The following KCNH8 variants were observed in gnomAD, a reference collection of about 807,000 sequenced individuals.
The protein encoded by KCNH8 is voltage-gated delayed rectifier potassium channel KCNH8.
In KCNH8, 70 loss-of-function variants were observed where a neutral mutation model predicts 103.6. That is an observed-to-expected ratio of 0.68 (90% CI 0.56 to 0.82). The LOEUF (loss-of-function observed/expected upper bound fraction) is 0.82, where lower values mean the gene tolerates loss of function less well. Among genes scored for constraint, KCNH8 ranks in the 40% least tolerant of loss-of-function variants. The pLI is 0.00. For missense variants in KCNH8, 1,217 were observed against 1,329.9 expected (o/e 0.92, Z 1.32); for synonymous variants, 498 against 489.4 (o/e 1.02, Z -0.23).
In KCNH8 at chr3:19,340,344, T is replaced by A. The variant is rs866263987; in HGVS notation, c.443-2243T>A. On this transcript the variant is annotated intron_variant, in intron 3 of 15. Transcript: ENST00000328405. ...TGACATAGATTCAATTTATTTTTTT[T>A]ATTTTTTTTTTAATTTTTTTTTTTT... Among the ~76,000 whole-genome samples the A allele has an allele frequency of 7.6e-3, 868 of 114,328 alleles. 8 individuals carry two copies. Among genetic ancestry groups the A allele is most frequent in the African/African-American group, 0.031 (755 of 24,328 alleles). The allele number at this position is 114,328 out of a possible 152,430, so 75.0% of individuals were successfully genotyped here.
intron 1 of KCNH8, among the ~76,000 whole-genome samples, chr3:19,163,576 A>G (rs920055379): frequency 6.6e-6 from 1 of 152,110 alleles, no homozygotes; most frequent in African/African-American, 2.4e-5. Flanking sequence ...AAATAATTTA[A>G]TTTTTATATT....
rs1488450687 is a variant in KCNH8 at position 19,153,514 on chromosome 3, A to G, written c.76+4719A>G. On this transcript the variant is annotated intron_variant, in intron 1 of 15. Coordinates refer to ENST00000328405, the MANE Select transcript of KCNH8 (RefSeq NM_144633.3). ...GGATCCTGAGTTACTAGTTTCTGAG[A>G]TATCCTAGACTCAACATACTTCTGG... Among the ~76,000 whole-genome samples, 5 of 152,264 alleles carry G rather than the reference A, an allele frequency of 3.3e-5. No individual in the cohort carries two copies. The South Asian group carries it at 1.0e-3, about 32-fold the overall frequency.
At chr3:19,346,268 G>A (rs1304965480) in intron 4 of KCNH8, among the ~76,000 whole-genome samples, 1 of 152,010 alleles carries the variant, frequency 6.6e-6, no homozygotes, top group African/African-American at 2.4e-5. Context: ...GAAGCCCAAC[G>A]GGGCTACTTC....
At chr3:19,263,631 C>G (rs1261174139) in intron 2 of KCNH8, among the ~76,000 whole-genome samples, 2 of 152,192 alleles carry the variant, frequency 1.3e-5, no homozygotes, top group Non-Finnish European at 2.9e-5. Context: ...TTTCATGAAC[C>G]AGGCAGAAGC....
At chr3:19,494,919 T>C (rs1199213096) in intron 11 of KCNH8, among the ~76,000 whole-genome samples, 3 of 152,196 alleles carry the variant, frequency 2.0e-5, no homozygotes, top group African/African-American at 7.2e-5. Flanking sequence ...TATTTCATTG[T>C]GGATTTGATT....
At chr3:19,363,861 A>T (rs922307112) in intron 5 of KCNH8, among the ~76,000 whole-genome samples, 5 of 152,174 alleles carry the variant, frequency 3.3e-5, no homozygotes, top group African/African-American at 1.2e-4. Flanking sequence ...AACTGCAAAG[A>T]TGTCATTTCC....
intron 11 of KCNH8, among the ~76,000 whole-genome samples, chr3:19,458,494 A>G (rs2067568873): frequency 6.6e-6 from 1 of 151,992 alleles, no homozygotes; most frequent in African/African-American, 2.4e-5. Context: ...TTTTTAAAAA[A>G]TTCGTGGCAT....
At chr3:19,291,484 C>T (rs951902454) in intron 3 of KCNH8, among the ~76,000 whole-genome samples, 6 of 152,128 alleles carry the variant, frequency 3.9e-5, no homozygotes, top group Non-Finnish European at 8.8e-5. Flanking sequence ...TTTATTTCTG[C>T]CTTCATTTCG....
chr3:19,251,654 TG>T (rs1317552372), intron 1 of KCNH8, among the ~76,000 whole-genome samples: 1 of 152,128 alleles, frequency 6.6e-6, no homozygotes, highest in African/African-American at 2.4e-5. Context: ...TTCTTTCCCA[TG>T]GCAGGAAAGA....
intron 8 of KCNH8, among the ~76,000 whole-genome samples, chr3:19,446,280 A>AG (rs1056088187): frequency 3.3e-5 from 5 of 151,986 alleles, no homozygotes; most frequent in Non-Finnish European, 5.9e-5. Context: ...ACAGCCTTGG[A>AG]GGTTGGATAA....
chr3:19,275,596 A>G (rs1462127391), intron 2 of KCNH8, among the ~76,000 whole-genome samples: 2 of 152,156 alleles, frequency 1.3e-5, no homozygotes, highest in African/African-American at 4.8e-5. Context: ...GATAAGGTGA[A>G]GCTTTTACCT....
rs2064752788 is a variant in KCNH8, at chr3:19,281,235, A to G, written c.348A>G (p.Ile116Met). The change falls in exon 3 of 16, where the codon ATA becomes ATG. Residue 116 changes from isoleucine (I) to methionine (M), a missense_variant. Physicochemically the swap from Ile to Met is conservative, Grantham distance 10. This residue lies in a region of KCNH8 where 244 missense variants were observed against 256.8 expected (regional missense o/e 0.95). Coordinates refer to ENST00000328405, the MANE Select transcript of KCNH8 (RefSeq NM_144633.3). The part of the protein sequence containing the change: ...PFWCLLDIVP[I>M]KNEKGDVVLF... ...GGTGCCTACTGGATATTGTTCCCATAAAGAATGAAAAAGGAGATGTAGTAC... is the reference window on the plus strand; with the variant it reads ...GGTGCCTACTGGATATTGTTCCCATGAAGAATGAAAAAGGAGATGTAGTAC... The G allele has an allele frequency of 1.9e-6, 3 of 1,611,436 alleles. No homozygotes were observed. The highest frequency in any genetic ancestry group is 2.5e-6 in the Non-Finnish European group (3 of 1,178,374).
At chr3:19,255,428 C>G (rs1575472669) in intron 2 of KCNH8, among the ~76,000 whole-genome samples, 1 of 152,092 alleles carries the variant, frequency 6.6e-6, no homozygotes, top group Non-Finnish European at 1.5e-5. Context: ...AGTTTGATGT[C>G]CTCTTTTCCT....
At chr3:19,258,931 CTCTCTCTCTCTCTCTCTATATATATATA>C (rs1307399567) in intron 2 of KCNH8, among the ~76,000 whole-genome samples, 4 of 83,314 alleles carry the variant, frequency 4.8e-5, no homozygotes, top group Middle Eastern at 4.8e-3. Flanking sequence ...CTCTCTCTCT[CTCTCTCTCTCTCTCTCTATATATATATA>C]TATATATATA....
intron 1 of KCNH8, among the ~76,000 whole-genome samples, chr3:19,212,671 C>G (rs1042300975): frequency 6.6e-6 from 1 of 152,172 alleles, no homozygotes; most frequent in East Asian, 1.9e-4. Context: ...AGTACAGCTG[C>G]ACCACCTCAG....
intron 11 of KCNH8, among the ~76,000 whole-genome samples, chr3:19,471,773 A>G (rs893537018): frequency 6.6e-6 from 1 of 152,210 alleles, no homozygotes; most frequent in African/African-American, 2.4e-5. Flanking sequence ...GTTGAAACTT[A>G]GTATAAGTTT....
chr3:19,425,065 A>G (rs1254156088), intron 7 of KCNH8, among the ~76,000 whole-genome samples: 1 of 152,096 alleles, frequency 6.6e-6, no homozygotes, highest in Non-Finnish European at 1.5e-5. Context: ...TTTGTTTCTG[A>G]TTTTGATACC....
chr3:19,375,968 A>G (rs1468051637), intron 5 of KCNH8, among the ~76,000 whole-genome samples: 4 of 152,160 alleles, frequency 2.6e-5, no homozygotes, highest in Non-Finnish European at 5.9e-5. Flanking sequence ...TCAGATCTCC[A>G]GCTGTGTGCT....
At position 19,461,463 on chromosome 3, in the gene KCNH8, A is replaced by G. The variant is rs575169963; in HGVS notation, c.2040+4481A>G. 1.5e-4 allele frequency among the ~76,000 whole-genome samples: 23 copies of G among 152,282 alleles called. No individual in the cohort carries two copies. In the South Asian group the frequency reaches 2.5e-3, roughly 16 times the overall value. ...ACCCTGGTGTCAGACTAACTGTAGAAGCAAGCCCCTTTCCTTGATTTTCAC... is the reference window on the plus strand; with the variant it reads ...ACCCTGGTGTCAGACTAACTGTAGAGGCAAGCCCCTTTCCTTGATTTTCAC... On this transcript the variant is annotated intron_variant, in intron 11 of 15. Coordinates refer to ENST00000328405, the MANE Select transcript of KCNH8 (RefSeq NM_144633.3).
Sources: gnomAD v4.1 joint callset for allele counts (sites outside exome capture counted in the v4.1 genomes callset) on GRCh38, gnomAD v4.1.1 for gene constraint, gnomAD v4.1.1 regional missense constraint, MANE v1.5 for transcripts, NCBI Gene and HGNC (gene_info 2026-07-23, HGNC 2026-07-21) for gene names.